The following LARGE1 variants were observed in gnomAD, a reference collection of about 807,000 sequenced individuals.
The protein encoded by LARGE1 is xylosyl- and glucuronyltransferase LARGE1.
LARGE1 carries 43 observed loss-of-function variants against 87.6 expected under a neutral mutation model. The observed-to-expected ratio is 0.49, with a 90% CI of 0.38 to 0.63. The LOEUF (loss-of-function observed/expected upper bound fraction) is 0.63, where lower values mean the gene tolerates loss of function less well. Ranked by LOEUF, LARGE1 falls within the 30% of genes least tolerant of loss-of-function variation. LARGE1 has a pLI of 0.00. For synonymous variants in LARGE1, 434 were observed against 394.6 expected (o/e 1.10, Z -1.18); for missense variants, 802 against 1,000.2 (o/e 0.80, Z 2.67).
At chr22:33,298,304 ACTG>A (rs1032967599) in intron 12 of LARGE1, among the ~76,000 whole-genome samples, 3 of 152,196 alleles carry the variant, frequency 2.0e-5, no homozygotes, top group African/African-American at 7.2e-5. Context: ...TCCCCTGTTC[ACTG>A]TTCTAGCCCC....
chr22:33,232,235 A>C (rs562732812), intron 11 of LARGE1, among the ~76,000 whole-genome samples: 1 of 152,366 alleles, frequency 6.6e-6, no homozygotes, highest in East Asian at 1.9e-4. Flanking sequence ...GCTAAGCCTA[A>C]AGATCTGTGC....
intron 1 of LARGE1, among the ~76,000 whole-genome samples, chr22:33,883,754 C>A (rs79843603): frequency 2.0e-5 from 3 of 152,248 alleles, no homozygotes; most frequent in Non-Finnish European, 4.4e-5. Flanking sequence ...CATTCCTTCA[C>A]CACCTTCAGG....
intron 9 of LARGE1, among the ~76,000 whole-genome samples, chr22:33,350,773 C>T (rs913702428): frequency 1.3e-5 from 2 of 152,176 alleles, no homozygotes; most frequent in Admixed American, 1.3e-4. Flanking sequence ...ATCAGGCCTT[C>T]TTCCCATGAC....
At chr22:33,268,077 C>T (rs1928048533), downstream of LARGE1, among the ~76,000 whole-genome samples, 1 of 151,242 alleles carries the variant, frequency 6.6e-6, no homozygotes, top group Non-Finnish European at 1.5e-5. Context: ...TCTCAGCCTC[C>T]CGAGTAGCTG....
the LARGE1 span, among the ~76,000 whole-genome samples, chr22:33,150,666 G>A: frequency 5.9e-5 from 9 of 152,240 alleles, no homozygotes; most frequent in African/African-American, 1.2e-4. Context: ...TTTGCCTATG[G>A]AGATCCAGTT....
the LARGE1 span, among the ~76,000 whole-genome samples, chr22:33,068,756 C>T: frequency 6.6e-6 from 1 of 152,208 alleles, no homozygotes; most frequent in Non-Finnish European, 1.5e-5. Context: ...ATTCATTGCT[C>T]CTCTGGGAAT....
intron 2 of LARGE1, among the ~76,000 whole-genome samples, chr22:33,721,453 C>T (rs1412336451): frequency 6.6e-6 from 1 of 152,146 alleles, no homozygotes; most frequent in Non-Finnish European, 1.5e-5. Context: ...TCAATTCATA[C>T]AATATCGAAA....
At chr22:33,759,323 G>A (rs2084637337) in intron 2 of LARGE1, among the ~76,000 whole-genome samples, 1 of 152,152 alleles carries the variant, frequency 6.6e-6, no homozygotes, top group South Asian at 2.1e-4. Flanking sequence ...TCAAATCCCT[G>A]ACCAAAGTTC....
intron 2 of LARGE1, among the ~76,000 whole-genome samples, chr22:33,709,628 CTTTT>C (rs1361106062): frequency 7.2e-6 from 1 of 139,284 alleles, no homozygotes. Context: ...TTCTTTAATT[CTTTT>C]TTTTTTTTTT....
intron 2 of LARGE1, among the ~76,000 whole-genome samples, chr22:33,668,856 T>C (rs1289081665): frequency 2.0e-5 from 3 of 152,214 alleles, no homozygotes; most frequent in African/African-American, 4.8e-5. Context: ...TTTCTAACTT[T>C]GGAAGTAGTG....
At chr22:33,690,264 C>T (rs1169072374) in intron 2 of LARGE1, among the ~76,000 whole-genome samples, 1 of 152,228 alleles carries the variant, frequency 6.6e-6, no homozygotes, top group Non-Finnish European at 1.5e-5. Flanking sequence ...ACGTGACCTT[C>T]AGAAAGCTGG....
intron 2 of LARGE1, among the ~76,000 whole-genome samples, chr22:33,674,331 A>G (rs2081502593): frequency 6.6e-6 from 1 of 152,142 alleles, no homozygotes; most frequent in Non-Finnish European, 1.5e-5. Context: ...GGAACCTCAC[A>G]TAAATAGAAT....
rs146402021 is a variant in LARGE1, at chr22:33,216,963, C to G, written c.1731-50131G>C. Among the ~76,000 whole-genome samples the G allele has an allele frequency of 4.9e-3, 749 of 152,262 alleles. 11 individuals are homozygous for G. The highest frequency in any genetic ancestry group is 0.017 in the African/African-American group (686 of 41,556). On this transcript the variant is annotated intron_variant, in intron 11 of 11. Coordinates refer to the LARGE1 transcript ENST00000608642. ...ATTAATAGGAAAACGTAGATGAAAACAACAATAAGCATTTCACCCTTCTAA... is the reference window on the plus strand; with the variant it reads ...ATTAATAGGAAAACGTAGATGAAAAGAACAATAAGCATTTCACCCTTCTAA...
chr22:33,608,542 CTG>C (rs1288604033), intron 4 of LARGE1, among the ~76,000 whole-genome samples: 3 of 152,216 alleles, frequency 2.0e-5, no homozygotes, highest in African/African-American at 7.2e-5. Context: ...CTTGTCCCTA[CTG>C]TGAGACCACA....
the LARGE1 span, among the ~76,000 whole-genome samples, chr22:33,120,348 T>TTTTC: frequency 6.1e-5 from 7 of 115,298 alleles, no homozygotes; most frequent in Non-Finnish European, 1.1e-4. Flanking sequence ...TTTTTCTTTC[T>TTTTC]TTTCTTTCTT....
At position 33,555,581 on chromosome 22, in the gene LARGE1, C is replaced by T. The variant is rs1398949146; in HGVS notation, c.787+9267G>A. On this transcript the variant is annotated intron_variant, in intron 6 of 14. Transcript: ENST00000397394. ...ATCTGGAGGAGCAGCATTCCAGGTA[C>T]AGGAACATCAGAGCAGAGGGCCAAA... Among the ~76,000 whole-genome samples the T allele has an allele frequency of 2.0e-5, 3 of 152,016 alleles. No homozygotes were observed. In the East Asian group the frequency reaches 5.8e-4, roughly 29 times the overall value.
the LARGE1 span, among the ~76,000 whole-genome samples, chr22:33,140,958 A>G: frequency 1.3e-5 from 2 of 152,148 alleles, no homozygotes; most frequent in African/African-American, 4.8e-5. Flanking sequence ...TTTACTTACT[A>G]CATGCCCTTA....
At chr22:33,477,614 A>AC (rs2069135489) in intron 6 of LARGE1, among the ~76,000 whole-genome samples, 2 of 151,864 alleles carry the variant, frequency 1.3e-5, no homozygotes, top group African/African-American at 4.8e-5. Flanking sequence ...GCACACACGC[A>AC]CCCCCACGTT....
chr22:33,600,326 G>A (rs537849420), intron 5 of LARGE1, among the ~76,000 whole-genome samples: 10 of 152,206 alleles, frequency 6.6e-5, no homozygotes, highest in East Asian at 3.9e-4. Context: ...AAAGCCTCAC[G>A]TCAGGCCTTT....
Sources: gnomAD v4.1 joint callset for allele counts (sites outside exome capture counted in the v4.1 genomes callset) on GRCh38, gnomAD v4.1.1 for gene constraint, MANE v1.5 for transcripts, NCBI Gene and HGNC (gene_info 2026-07-23, HGNC 2026-07-21) for gene names.